Variants in CEMIP2 observed in about 807,000 individuals in gnomAD.
CEMIP2 encodes the protein cell migration inducing hyaluronidase 2.
In CEMIP2, 79 loss-of-function variants were observed where a neutral mutation model predicts 146.9. The ratio of observed to expected loss-of-function variants is 0.54; its 90% CI spans 0.45 to 0.65. CEMIP2 has a LOEUF of 0.65. Among genes scored for constraint, CEMIP2 ranks in the 30% least tolerant of loss-of-function variants. CEMIP2 has a pLI of 0.00. For missense variants in CEMIP2, 1,596 were observed against 1,696.2 expected (o/e 0.94, Z 1.04); for synonymous variants, 601 against 606.3 (o/e 0.99, Z 0.13).
intron 17 of CEMIP2, among the ~76,000 whole-genome samples, chr9:71,706,312 G>A (rs1822738495): frequency 6.6e-6 from 1 of 150,724 alleles, no homozygotes; most frequent in Non-Finnish European, 1.5e-5. Flanking sequence ...TCTATCTTGA[G>A]ATCCAATTGC....
chr9:71,724,794 T>C (rs1823334362), intron 11 of CEMIP2, among the ~76,000 whole-genome samples: 1 of 152,180 alleles, frequency 6.6e-6, no homozygotes, highest in Non-Finnish European at 1.5e-5. Flanking sequence ...TAATGCCTAA[T>C]AGGACACTCT....
At chr9:71,725,993 C>T (rs908948745) in intron 10 of CEMIP2, among the ~76,000 whole-genome samples, 6 of 152,172 alleles carry the variant, frequency 3.9e-5, no homozygotes, top group African/African-American at 1.4e-4. Flanking sequence ...TCATTATCTA[C>T]GTTAAAAGTT....
At chr9:71,751,424 G>A (rs1386076524) in intron 1 of CEMIP2, among the ~76,000 whole-genome samples, 2 of 152,116 alleles carry the variant, frequency 1.3e-5, no homozygotes, top group African/African-American at 4.8e-5. Context: ...AATGCTCAGG[G>A]CACCACGGCT....
Position 71,745,200 on chromosome 9 carries a change from T to C in CEMIP2, c.852A>G (p.Arg284=). The C allele has an allele frequency of 1.9e-6, 3 of 1,614,054 alleles. No individual in the cohort carries two copies. Among genetic ancestry groups the C allele is most frequent in the South Asian group, 1.1e-5 (1 of 91,082 alleles). The change falls in exon 4 of 24, where the codon AGA becomes AGG. Residue 284 remains arginine (R), a synonymous_variant. Transcript: ENST00000377044. ...QDTAKILESE[R]FDTHEYRNES... ...CATTGCGGTATTCATGGGTATCAAA[T>C]CTCTCACTTTCCAAAATTTTGGCCG...
chr9:71,735,106 T>C, intron 5 of CEMIP2, 112 bp from the exon 6 acceptor site: 3 of 1,307,312 alleles, frequency 2.3e-6, no homozygotes, highest in Middle Eastern at 2.2e-4. Context: ...ATAACCACGA[T>C]TCAGCAAATT....
intron 19 of CEMIP2, among the ~76,000 whole-genome samples, chr9:71,699,629 C>T (rs1388442265): frequency 2.0e-5 from 3 of 152,074 alleles, no homozygotes; most frequent in Non-Finnish European, 4.4e-5. Flanking sequence ...CGACTTCATT[C>T]CCCAAGTCAA....
chr9:71,758,479 G>A (rs1564028885), intron 1 of CEMIP2, among the ~76,000 whole-genome samples: 2 of 152,198 alleles, frequency 1.3e-5, no homozygotes, highest in Non-Finnish European at 2.9e-5. Context: ...TCAGAGCATG[G>A]CCGAAAACAG....
At chr9:71,762,045 GA>G (rs66978425) in intron 1 of CEMIP2, among the ~76,000 whole-genome samples, 62,806 of 148,748 alleles carry the variant, frequency 0.42, 14,907 homozygotes, top group East Asian at 0.56. Context: ...GTATGGGAGG[GA>G]GGGGAGGGTG....
intron 20 of CEMIP2, among the ~76,000 whole-genome samples, chr9:71,695,574 T>C (rs1351357073): frequency 6.6e-6 from 1 of 152,044 alleles, no homozygotes; most frequent in Non-Finnish European, 1.5e-5. Flanking sequence ...CTTGGGAGGC[T>C]GAGGCAGGAG....
chr9:71,741,904 C>T lies in CEMIP2; in HGVS notation c.1035-1672G>A, dbSNP rs189828552. ...CAGGTGATCTGACCTCCTTGGCCTC[C>T]TAAAGTGCTTGGATTACAGGCATGA... is the stretch of plus-strand genomic sequence containing the variant. On this transcript the variant is annotated intron_variant, in intron 4 of 23. Transcript: ENST00000377044. 3.6e-3 allele frequency among the ~76,000 whole-genome samples: 543 copies of T among 152,120 alleles called. 1 individual carries two copies. Among genetic ancestry groups the T allele is most frequent in the African/African-American group, 0.013 (534 of 41,488 alleles).
chr9:71,741,879 C>T (rs759686869), intron 4 of CEMIP2, among the ~76,000 whole-genome samples: 1 of 152,060 alleles, frequency 6.6e-6, no homozygotes, highest in Non-Finnish European at 1.5e-5. Flanking sequence ...CTCCTGCCCT[C>T]AGGTGATCTG....
Position 71,732,410 on chromosome 9 carries a change from A to C in CEMIP2, c.1504T>G (p.Cys502Gly). 1 of 1,614,000 alleles carries C rather than the reference A, an allele frequency of 6.2e-7. No individual in the cohort carries two copies. The change falls in exon 7 of 24, where the codon TGC becomes GGC. Residue 502 changes from cysteine (C) to glycine (G), a missense_variant. Physicochemically the swap from Cys to Gly is radical, Grantham distance 159. Coordinates refer to ENST00000377044, the MANE Select transcript of CEMIP2 (RefSeq NM_013390.3). The part of the protein sequence containing the change: ...IVIQGEVEDS[C>G]YAENQCQFFD... ...AATTGGCACTGATTTTCTGCGTAGC[A>C]TGAGTCCTCCACTTCTCCTTGGATC...
chr9:71,744,716 C>T (rs566570631), intron 4 of CEMIP2, among the ~76,000 whole-genome samples: 5 of 152,214 alleles, frequency 3.3e-5, no homozygotes, highest in Non-Finnish European at 7.3e-5. Flanking sequence ...GAAGTATCTT[C>T]AGAGGCAAAT....
chr9:71,722,427 C>T lies in CEMIP2; in HGVS notation c.2267G>A (p.Arg756Lys). 1 of 1,610,894 alleles carries T rather than the reference C, an allele frequency of 6.2e-7. No homozygotes were observed. The highest frequency in any genetic ancestry group is 1.1e-5 in the South Asian group (1 of 90,300). Reference sequence around the variant, plus strand: ...TGTGACTTAAAAGAGCCAGCTTTACCTTGCACTATTGTCCAAACAGAGGTA... The same window carrying T: ...TGTGACTTAAAAGAGCCAGCTTTACTTTGCACTATTGTCCAAACAGAGGTA... ...REYLCLDNSA[R>K]FRPHQDANPE... The change falls in exon 12 of 24, where the codon AGA (arginine) becomes AAA (lysine). Residue 756 changes from arginine to lysine, a missense_variant and splice_region_variant. Physicochemically the swap from Arg to Lys is conservative, Grantham distance 26. Coordinates refer to ENST00000377044, the MANE Select transcript of CEMIP2 (RefSeq NM_013390.3).
At chr9:71,704,087 G>C (rs1822655043) in intron 18 of CEMIP2, among the ~76,000 whole-genome samples, 1 of 152,128 alleles carries the variant, frequency 6.6e-6, no homozygotes, top group African/African-American at 2.4e-5. Flanking sequence ...GATTAGAACA[G>C]ACAACTGAGA....
chr9:71,750,097 A>G lies in CEMIP2; in HGVS notation c.277T>C (p.Phe93Leu), dbSNP rs1824201739. Residue 93 changes from phenylalanine (F) to leucine (L), a missense_variant, in exon 2 of 24, where the codon TTT (phenylalanine) becomes CTT (leucine). Coordinates refer to ENST00000377044, the MANE Select transcript of CEMIP2 (RefSeq NM_013390.3). ...FICFAITSFS[F>L]FIALAIILGI... ...AAAATGATTGCAAGTGCAATAAAAAATGAGAAACTAGTAATAGCAAAACAA... is the reference window on the plus strand; with the variant it reads ...AAAATGATTGCAAGTGCAATAAAAAGTGAGAAACTAGTAATAGCAAAACAA... 6.2e-7 allele frequency: 1 copy of G among 1,613,436 alleles called. No homozygotes were observed.
intron 20 of CEMIP2, among the ~76,000 whole-genome samples, chr9:71,695,959 G>GA (rs200695689): frequency 6.1e-5 from 9 of 148,632 alleles, no homozygotes; most frequent in African/African-American, 7.4e-5. Context: ...CTATATTTAA[G>GA]AAAAAAAAAA....
chr9:71,755,549 A>C (rs1169595564), intron 1 of CEMIP2, among the ~76,000 whole-genome samples: 1 of 152,084 alleles, frequency 6.6e-6, no homozygotes, highest in Non-Finnish European at 1.5e-5. Flanking sequence ...CTCTCTAAAA[A>C]AATAAAAAAT....
At chr9:71,764,294 A>G (rs1824723661) in intron 1 of CEMIP2, among the ~76,000 whole-genome samples, 1 of 152,174 alleles carries the variant, frequency 6.6e-6, no homozygotes, top group Admixed American at 6.5e-5. Context: ...GAAAAAATAT[A>G]CATAGTGTCT....
Sources: allele counts gnomAD v4.1 joint callset (sites outside exome capture counted in the v4.1 genomes callset), GRCh38; gene constraint gnomAD v4.1.1; transcripts MANE v1.5; gene names NCBI Gene and HGNC (gene_info 2026-07-23, HGNC 2026-07-21).